Variants in CCDC81 observed in about 807,000 individuals in gnomAD.
CCDC81 encodes the protein coiled-coil domain-containing protein 81.
A neutral mutation model predicts 83.7 loss-of-function variants in CCDC81; 79 were observed. The ratio of observed to expected loss-of-function variants is 0.94; its 90% CI spans 0.79 to 1.14. The LOEUF (loss-of-function observed/expected upper bound fraction) is 1.14, where lower values mean the gene tolerates loss of function less well. Among genes scored for constraint, CCDC81 ranks in the 50% most tolerant of loss-of-function variants. CCDC81 has a pLI of 0.00. For synonymous variants in CCDC81, 252 were observed against 278.1 expected, an observed-to-expected ratio of 0.91 and a Z score of 0.93; for missense variants, 791 against 778.1, an observed-to-expected ratio of 1.02 and a Z score of -0.20.
intron 7 of CCDC81, among the ~76,000 whole-genome samples, chr11:86,403,013 A>ATTTTTTTTT (rs545083032): frequency 6.2e-4 from 70 of 112,456 alleles, no homozygotes; most frequent in Non-Finnish European, 9.6e-4. Flanking sequence ...TAATTTTTTG[A>ATTTTTTTTT]TTTTTTTTTT....
At chr11:86,386,849 C>A (rs1288037826) in intron 2 of CCDC81, among the ~76,000 whole-genome samples, 1 of 152,146 alleles carries the variant, frequency 6.6e-6, no homozygotes, top group South Asian at 2.1e-4. Context: ...CGTGGTGACA[C>A]ATTTGGAGCT....
intron 10 of CCDC81, 142 bp from the exon 11 acceptor site, chr11:86,412,245 T>G: frequency 1.6e-6 from 1 of 640,590 alleles, no homozygotes; most frequent in Non-Finnish European, 2.6e-6. Flanking sequence ...ATGTGTTACC[T>G]CAACACCAGC....
rs1948081315 is a variant in CCDC81 at position 86,375,069 on chromosome 11, G to C, written c.-95G>C. 9.4e-7 allele frequency: 1 copy of C among 1,064,736 alleles called. No individual in the cohort carries two copies. The highest frequency in any genetic ancestry group is 1.7e-5 in the Admixed American group (1 of 59,336). The allele number at this position is 1,064,736 out of a possible 1,614,324, so 66.0% of individuals were successfully genotyped here. On this transcript the variant is annotated 5_prime_UTR_variant, in exon 1 of 15. Transcript: ENST00000445632. ...GCACATCCAAAGCTCCGTGGAGAAG[G>C]GGCTGGAGGGTGGGAAAATTATTTT...
intron 10 of CCDC81, among the ~76,000 whole-genome samples, chr11:86,411,225 C>T (rs758983850): frequency 1.4e-4 from 22 of 152,134 alleles, no homozygotes; most frequent in Non-Finnish European, 2.8e-4. Flanking sequence ...ATGCCTCAGC[C>T]ACAGAGACTT....
chr11:86,375,245 A>G lies in CCDC81; in HGVS notation c.79+3A>G. On this transcript the variant is annotated splice_donor_region_variant and intron_variant, in intron 1 of 14. Transcript: ENST00000445632. ...TCTGCCCTCGCTGAGCCAGGAGGGTAAGCGTGTTGGGTAGCAGGGGGTGGC... is the reference window on the plus strand; with the variant it reads ...TCTGCCCTCGCTGAGCCAGGAGGGTGAGCGTGTTGGGTAGCAGGGGGTGGC... The G allele has an allele frequency of 6.2e-7, 1 of 1,608,188 alleles. No homozygotes were observed. Among genetic ancestry groups the G allele is most frequent in the East Asian group, 2.2e-5 (1 of 44,840 alleles).
At chr11:86,420,743 T>C (rs1007095819) in intron 14 of CCDC81, among the ~76,000 whole-genome samples, 3 of 152,252 alleles carry the variant, frequency 2.0e-5, no homozygotes, top group East Asian at 3.8e-4. Context: ...TCTGTAACTC[T>C]CCTTTTCCTT....
rs115387270 is a variant in CCDC81 at position 86,422,373 on chromosome 11, G to A, written c.1818-201G>A. On this transcript the variant is annotated intron_variant, in intron 14 of 14. Coordinates refer to ENST00000445632, the MANE Select transcript of CCDC81 (RefSeq NM_001156474.2). ...TCAGACTGTTGTGAAGGCACAAGTC[G>A]TGGCTTTTTATTTAGTAGAGAACGA... Among the ~76,000 whole-genome samples the A allele has an allele frequency of 3.2e-3, 489 of 152,246 alleles. 4 individuals carry two copies. The highest frequency in any genetic ancestry group is 0.011 in the African/African-American group (475 of 41,542).
At chr11:86,391,149 C>A (rs1948323792) in intron 3 of CCDC81, among the ~76,000 whole-genome samples, 1 of 152,104 alleles carries the variant, frequency 6.6e-6, no homozygotes, top group Non-Finnish European at 1.5e-5. Flanking sequence ...TGCAGAGAGG[C>A]AGTGGGCAAA....
intron 1 of CCDC81, among the ~76,000 whole-genome samples, chr11:86,383,633 C>T (rs1948202122): frequency 6.6e-6 from 1 of 152,084 alleles, no homozygotes; most frequent in East Asian, 1.9e-4. Flanking sequence ...AAGTAAGAAC[C>T]CTGGCTTCCC....
intron 1 of CCDC81, among the ~76,000 whole-genome samples, chr11:86,375,497 T>C (rs1012422575): frequency 1.3e-5 from 2 of 152,054 alleles, no homozygotes; most frequent in African/African-American, 4.8e-5. Context: ...ACAAAGTAAG[T>C]GCTCAATAAA....
intron 10 of CCDC81, among the ~76,000 whole-genome samples, chr11:86,411,339 G>T (rs1948638842): frequency 6.6e-6 from 1 of 152,142 alleles, no homozygotes; most frequent in Non-Finnish European, 1.5e-5. Flanking sequence ...TACAGTGAAG[G>T]TGATTCATTT....
intron 10 of CCDC81, among the ~76,000 whole-genome samples, 188 bp from the exon 11 acceptor site, chr11:86,412,199 G>C (rs972633103): frequency 6.6e-6 from 1 of 152,184 alleles, no homozygotes; most frequent in Non-Finnish European, 1.5e-5. Context: ...ACACAGCTCA[G>C]CTCAGCTTCA....
At chr11:86,420,180 C>A in intron 14 of CCDC81, 127 bp downstream of exon 14, 1 of 1,070,680 alleles carries the variant, frequency 9.3e-7, no homozygotes, top group South Asian at 1.7e-5. Flanking sequence ...GTCTGTATTC[C>A]ATGGGAAATA....
Position 86,392,797 on chromosome 11 carries a change from TG to T in CCDC81, c.555+1del. The T allele has an allele frequency of 1.3e-6, 2 of 1,547,176 alleles. No homozygotes were observed. Among genetic ancestry groups the T allele is most frequent in the South Asian group, 1.2e-5 (1 of 83,232 alleles). ...GGGCTTTGGCAAAGGCCCTAGCAAA[TG>T]TAAATTAATATTTTCCTTCTCCTAA... On this transcript the variant is annotated splice_donor_variant, in intron 4 of 14. Coordinates refer to ENST00000445632, the MANE Select transcript of CCDC81 (RefSeq NM_001156474.2). LOFTEE classifies it high-confidence loss of function.
intron 1 of CCDC81, 59 bp from the exon 2 acceptor site, chr11:86,385,992 A>T: frequency 1.2e-6 from 1 of 809,152 alleles, no homozygotes. Context: ...TAGCACTAAG[A>T]TACTGTCACA....
chr11:86,418,783 G>C lies in CCDC81; in HGVS notation c.1692-1145G>C, dbSNP rs138598495. ...TTTTGTAACGTGAAGGCGTTCTGGA[G>C]ATTGGGTGCATAACATGAATGTATT... On this transcript the variant is annotated intron_variant, in intron 13 of 14. Coordinates refer to ENST00000445632, the MANE Select transcript of CCDC81 (RefSeq NM_001156474.2). Among the ~76,000 whole-genome samples, 5 of 152,252 alleles carry C rather than the reference G, an allele frequency of 3.3e-5. No individual in the cohort carries two copies. In the East Asian group the frequency reaches 7.7e-4, roughly 23 times the overall value.
At chr11:86,421,116 G>A (rs948098096) in intron 14 of CCDC81, among the ~76,000 whole-genome samples, 1 of 152,154 alleles carries the variant, frequency 6.6e-6, no homozygotes, top group African/African-American at 2.4e-5. Context: ...TAGGCCAAGT[G>A]TGGACAGAGA....
At chr11:86,411,894 T>C (rs986553505) in intron 10 of CCDC81, among the ~76,000 whole-genome samples, 1 of 152,198 alleles carries the variant, frequency 6.6e-6, no homozygotes, top group South Asian at 2.1e-4. Context: ...CCAAAAAGTG[T>C]CAAAGAATTG....
At chr11:86,388,444 T>C (rs1411061125) in intron 3 of CCDC81, among the ~76,000 whole-genome samples, 1 of 152,130 alleles carries the variant, frequency 6.6e-6, no homozygotes, top group Non-Finnish European at 1.5e-5. Context: ...ACCTTCCTGA[T>C]TGTCCCCGCC....
Sources: allele counts gnomAD v4.1 joint callset (sites outside exome capture counted in the v4.1 genomes callset), GRCh38; gene constraint gnomAD v4.1.1; transcripts MANE v1.5; gene names NCBI Gene and HGNC (gene_info 2026-07-23, HGNC 2026-07-21).